Variants in RBM10 observed in about 807,000 individuals in gnomAD.
The protein encoded by RBM10 is RNA binding motif protein 10, also known as RNA-binding protein 10.
RBM10 carries 1 observed loss-of-function variant against 84.9 expected under a neutral mutation model. The ratio of observed to expected loss-of-function variants is 0.01; its 90% CI spans 0.00 to 0.06. RBM10 has a LOEUF of 0.06. Ranked by LOEUF, RBM10 falls within the 10% of genes least tolerant of loss-of-function variation. RBM10 has a pLI of 1.00. For missense variants in RBM10, 438 were observed against 839.0 expected, an observed-to-expected ratio of 0.52 and a Z score of 5.90; for synonymous variants, 326 against 344.5, an observed-to-expected ratio of 0.95 and a Z score of 0.60.
intron 2 of RBM10, chrX:47,158,193 T>C: frequency 4.5e-6 from 1 of 224,701 alleles, no homozygotes; most frequent in Non-Finnish European, 8.3e-6. Context: ...TTCATAAAGG[T>C]CTATATCTTC....
chrX:47,182,159 C>T lies in RBM10; in HGVS notation c.1786-3C>T, dbSNP rs781900794. On this transcript the variant is annotated splice_region_variant and splice_polypyrimidine_tract_variant and intron_variant, in intron 16 of 23. Transcript: ENST00000377604. The stretch of plus-strand genomic sequence containing the variant: ...CATCCCCTCTTCCCTCCTCCTCCCT[C>T]AGTATTACTACAATGCTCAGAGCCA... The T allele has an allele frequency of 8.3e-7, 1 of 1,211,886 alleles. No individual in the cohort carries two copies. The highest frequency in any genetic ancestry group is 1.1e-6 in the Non-Finnish European group (1 of 895,567).
chrX:47,178,236 T>G (rs1935283175), intron 7 of RBM10, among the ~76,000 whole-genome samples: 1 of 111,607 alleles, frequency 9.0e-6, no homozygotes, highest in Non-Finnish European at 1.9e-5. Flanking sequence ...TTCCCCGGCC[T>G]TGGCTTTTGC....
Position 47,145,408 on chromosome X carries a change from A to AG in RBM10, c.-202dup, listed in dbSNP as rs1372199516. On this transcript the variant is annotated 5_prime_UTR_variant, in exon 1 of 24. Coordinates refer to ENST00000377604, the MANE Select transcript of RBM10 (RefSeq NM_005676.5). Reference sequence around the variant, plus strand: ...TTGTTGCGCGCTCCGGCTCCGGCTGAGCTGGGAGAGTTGGAGGAGGTGGCG... The same window carrying AG: ...TTGTTGCGCGCTCCGGCTCCGGCTGAGGCTGGGAGAGTTGGAGGAGGTGGCG... 8.8e-7 allele frequency: 1 copy of AG among 1,141,016 alleles called. No homozygotes were observed. The highest frequency in any genetic ancestry group is 1.8e-5 in the African/African-American group (1 of 55,220). 94.0% of individuals were successfully genotyped at this position (1,141,016 alleles called of 1,213,427 possible).
chrX:47,174,589 A>G (rs984116886), intron 5 of RBM10, among the ~76,000 whole-genome samples: 3 of 111,072 alleles, frequency 2.7e-5, no homozygotes, highest in African/African-American at 9.8e-5. Context: ...CCCGCCCTGG[A>G]GTTACGTATT....
At chrX:47,145,909 G>A (rs978250051) in intron 1 of RBM10, among the ~76,000 whole-genome samples, 22 of 101,290 alleles carry the variant, frequency 2.2e-4, no homozygotes, top group Admixed American at 2.1e-4. Flanking sequence ...ATTCCTGGGG[G>A]ATCGGAGGGG....
intron 6 of RBM10, 136 bp from the exon 7 acceptor site, chrX:47,176,364 T>C: frequency 9.2e-7 from 1 of 1,088,588 alleles, no homozygotes; most frequent in Non-Finnish European, 1.2e-6. Context: ...CTTCCCTCCA[T>C]CCGCTCTCCG....
intron 2 of RBM10, among the ~76,000 whole-genome samples, chrX:47,158,372 CT>C (rs1188085985): frequency 8.9e-6 from 1 of 112,058 alleles, no homozygotes; most frequent in East Asian, 2.8e-4. Context: ...CCCCCCACCC[CT>C]GGCCACCCAG....
In RBM10 at chrX:47,169,494, C is replaced by T. The variant is rs1556771063; in HGVS notation, c.197C>T (p.Ala66Val). The change falls in exon 3 of 24, where the codon GCG becomes GTG. Residue 66 changes from alanine to valine, a missense_variant. Around this residue, in one of 8 missense-constraint regions of RBM10, gnomAD observed 92 missense variants for 134.3 expected, o/e 0.69. Coordinates refer to ENST00000377604, the MANE Select transcript of RBM10 (RefSeq NM_005676.5). ...DYDDSSEEQS[A>V]EDSYEASPGS... is the part of the protein sequence containing the mutation. ...GACGACTCATCTGAGGAGCAGAGTGCGGAGGTGAGGAGGGGGCGCGCTGCG... is the reference window on the plus strand; with the variant it reads ...GACGACTCATCTGAGGAGCAGAGTGTGGAGGTGAGGAGGGGGCGCGCTGCG... 9.1e-6 allele frequency: 11 copies of T among 1,206,907 alleles called. No homozygotes were observed. The highest frequency in any genetic ancestry group is 1.2e-5 in the Non-Finnish European group (11 of 893,200).
intron 5 of RBM10, among the ~76,000 whole-genome samples, chrX:47,174,233 C>T (rs952290783): frequency 1.8e-5 from 2 of 109,895 alleles, no homozygotes; most frequent in Admixed American, 9.6e-5. Flanking sequence ...GTTCCAGGTG[C>T]GGCCTTCTCA....
chrX:47,157,352 G>T, intron 2 of RBM10: 1 of 318,353 alleles, frequency 3.1e-6, no homozygotes. Context: ...GTGGCTGTAT[G>T]CCATTCAGGC....
chrX:47,148,965 A>G (rs1932537832), intron 2 of RBM10, among the ~76,000 whole-genome samples: 1 of 107,967 alleles, frequency 9.3e-6, no homozygotes, highest in African/African-American at 3.4e-5. Context: ...AAAATGTATC[A>G]TAGATTTATC....
At chrX:47,163,307 G>T (rs954979123) in intron 2 of RBM10, among the ~76,000 whole-genome samples, 2 of 111,639 alleles carry the variant, frequency 1.8e-5, no homozygotes, top group African/African-American at 3.3e-5. Context: ...AAAATTGGTG[G>T]AATCCTAATA....
At chrX:47,150,744 G>A (rs936457273) in intron 2 of RBM10, among the ~76,000 whole-genome samples, 1 of 111,654 alleles carries the variant, frequency 9.0e-6, no homozygotes, top group African/African-American at 3.3e-5. Flanking sequence ...TTATTATTAT[G>A]GCTTTATAGA....
intron 4 of RBM10, 132 bp downstream of exon 4, chrX:47,171,390 C>T (rs1011743243): frequency 2.0e-6 from 2 of 1,010,928 alleles, no homozygotes; most frequent in Admixed American, 3.0e-5. Context: ...CTCCTATCCC[C>T]CAGCACTGAT....
intron 2 of RBM10, among the ~76,000 whole-genome samples, chrX:47,153,677 T>C (rs1360206622): frequency 8.9e-6 from 1 of 112,116 alleles, no homozygotes; most frequent in Non-Finnish European, 1.9e-5. Flanking sequence ...TTATCTGGCA[T>C]TGGAATCAAG....
Position 47,181,613 on chromosome X carries a change from G to A in RBM10, c.1542G>A (p.Ala514=), listed in dbSNP as rs370783292. Residue 514 remains alanine (A), a synonymous_variant, in exon 14 of 24, where the codon GCG becomes GCA. Transcript: ENST00000377604. ...GCATCTACCAACAATCAGCCGAGGC[G>A]AGCAGTAGCCAGGGCACTGCTGCCA... ...APGIYQQSAE[A]SSSQGTAANS... 29 of 1,206,955 alleles carry A rather than the reference G, an allele frequency of 2.4e-5. No homozygotes were observed. Among genetic ancestry groups the A allele is most frequent in the Non-Finnish European group, 2.9e-5 (26 of 893,658 alleles).
At chrX:47,181,690 C>T (rs377086872) in intron 14 of RBM10, 44 bp downstream of exon 14, 8 of 1,206,521 alleles carry the variant, frequency 6.6e-6, no homozygotes, top group East Asian at 3.0e-5. Flanking sequence ...GGCAGGCAGG[C>T]GGCAGGGGTG....
chrX:47,167,205 T>TAATGA (rs1476928143), intron 2 of RBM10, among the ~76,000 whole-genome samples: 1 of 111,359 alleles, frequency 9.0e-6, no homozygotes, highest in African/African-American at 3.3e-5. Flanking sequence ...TTGACTTGGT[T>TAATGA]AATGATGTTT....
rs1266210929 is a variant in RBM10, at chrX:47,185,353, A to G, written c.2152A>G (p.Ser718Gly). 2.5e-6 allele frequency: 3 copies of G among 1,202,490 alleles called. No homozygotes were observed. The highest frequency in any genetic ancestry group is 1.1e-6 in the Non-Finnish European group (1 of 891,071). The change falls in exon 19 of 24, where the codon AGT (serine) becomes GGT (glycine). Residue 718 changes from serine (S) to glycine (G), a missense_variant. By Grantham distance (56) the Ser-to-Gly change is moderately conservative (BLOSUM62 0). Transcript: ENST00000377604. ...CAGCATGGATCTCCCGAAATTGGCC[A>G]GTGACGACCGCCCAGTGAGTGCCCA... ...HTSMDLPKLA[S>G]DDRPSPPRGL...
Sources: gnomAD v4.1 joint callset for allele counts (sites outside exome capture counted in the v4.1 genomes callset) on GRCh38, gnomAD v4.1.1 for gene constraint, gnomAD v4.1.1 regional missense constraint, MANE v1.5 for transcripts, NCBI Gene and HGNC (gene_info 2026-07-23, HGNC 2026-07-21) for gene names.